The following GRIN2B variants were observed in gnomAD, a reference collection of about 807,000 sequenced individuals.
GRIN2B encodes the protein glutamate receptor ionotropic, NMDA 2B.
A neutral mutation model predicts 114.5 loss-of-function variants in GRIN2B; 5 were observed. That is an observed-to-expected ratio of 0.04 (90% CI 0.02 to 0.09). The LOEUF is 0.09. Among genes scored for constraint, GRIN2B ranks in the 10% least tolerant of loss-of-function variants. The probability of loss-of-function intolerance (pLI) is 1.00; values close to 1 mark genes in which losing one functional copy is unlikely to be tolerated. For synonymous variants in GRIN2B, 787 were observed against 745.1 expected (o/e 1.06, Z -0.92); for missense variants, 1,108 against 1,943.5 (o/e 0.57, Z 8.08).
At chr12:13,623,329 G>A (rs989877186) in intron 5 of GRIN2B, among the ~76,000 whole-genome samples, 2 of 152,162 alleles carry the variant, frequency 1.3e-5, no homozygotes, top group African/African-American at 4.8e-5. Context: ...GAAATGAAAA[G>A]GCGGAACAAA....
intron 9 of GRIN2B, chr12:13,610,107 AATC>A (rs1205394188): frequency 6.6e-6 from 1 of 152,222 alleles, no homozygotes; most frequent in Non-Finnish European, 1.5e-5. Context: ...CAGCCAAATA[AATC>A]ATCAGGGACA....
chr12:13,947,580 C>T (rs1867384259), intron 2 of GRIN2B, among the ~76,000 whole-genome samples: 1 of 152,190 alleles, frequency 6.6e-6, no homozygotes, highest in Admixed American at 6.5e-5. Context: ...CTATCCACAT[C>T]CTGCAACAGA....
intron 2 of GRIN2B, among the ~76,000 whole-genome samples, chr12:13,944,351 A>C (rs1407412490): frequency 2.0e-5 from 3 of 152,200 alleles, no homozygotes; most frequent in African/African-American, 7.2e-5. Context: ...AATGACTCCT[A>C]TGTGTTGCTA....
chr12:13,891,569 A>G (rs1866262707), intron 2 of GRIN2B, among the ~76,000 whole-genome samples: 1 of 152,186 alleles, frequency 6.6e-6, no homozygotes, highest in Admixed American at 6.5e-5. Context: ...TAATAAGTCT[A>G]AATTTAAATG....
At chr12:13,724,333 T>C (rs1862938321) in intron 4 of GRIN2B, among the ~76,000 whole-genome samples, 3 of 152,164 alleles carry the variant, frequency 2.0e-5, no homozygotes, top group African/African-American at 7.2e-5. Context: ...AATTACAGGT[T>C]TGCAGAAATC....
At chr12:13,580,313 G>A (rs554673873) in intron 10 of GRIN2B, among the ~76,000 whole-genome samples, 64 of 152,316 alleles carry the variant, frequency 4.2e-4, no homozygotes, top group Non-Finnish European at 5.3e-4. Context: ...CATTCAGTCT[G>A]TGTCCAATCA....
chr12:13,765,381 A>C (rs1863762165), intron 3 of GRIN2B, among the ~76,000 whole-genome samples: 1 of 152,230 alleles, frequency 6.6e-6, no homozygotes, highest in Non-Finnish European at 1.5e-5. Flanking sequence ...CGGTGAGTCC[A>C]GAAACCTGAC....
chr12:13,825,493 A>ATATATTTTTTT (rs1555144006), intron 3 of GRIN2B, among the ~76,000 whole-genome samples: 10 of 28,132 alleles, frequency 3.6e-4, no homozygotes, highest in African/African-American at 1.1e-3. Flanking sequence ...ATATATATAT[A>ATATATTTTTTT]TTTTGTGTGT....
At chr12:13,635,255 A>G (rs1457370648) in intron 5 of GRIN2B, among the ~76,000 whole-genome samples, 6 of 152,154 alleles carry the variant, frequency 3.9e-5, no homozygotes, top group Admixed American at 2.6e-4. Flanking sequence ...TCACACTGAG[A>G]AGGGGAGATG....
rs200696950 is a variant in GRIN2B at position 13,564,325 on chromosome 12, C to G, written c.2913G>C (p.Gly971=). 1 of 1,614,214 alleles carries G rather than the reference C, an allele frequency of 6.2e-7. No individual in the cohort carries two copies. Among genetic ancestry groups the G allele is most frequent in the Non-Finnish European group, 8.5e-7 (1 of 1,180,038 alleles). Reference sequence around the variant, plus strand: ...CGTTGCTGTCCTTCAGCTGCAGGTTCCCGAACGTTCTCTCTACCTCACTGA... The same window carrying G: ...CGTTGCTGTCCTTCAGCTGCAGGTTGCCGAACGTTCTCTCTACCTCACTGA... ...DYISEVERTF[G]NLQLKDSNVY... is the part of the protein sequence containing the mutation. Residue 971 remains glycine, a synonymous_variant, in exon 14 of 14, where the codon GGG becomes GGC. Transcript: ENST00000609686. This position sits in a 1 kb window ranked among gnomAD's most constrained non-coding sequence, Gnocchi z 4.8.
chr12:13,958,897 T>C (rs1363809717), intron 2 of GRIN2B, among the ~76,000 whole-genome samples: 2 of 152,008 alleles, frequency 1.3e-5, no homozygotes, highest in African/African-American at 4.8e-5. Flanking sequence ...TATAGAGACG[T>C]CATTTATTGA....
intron 2 of GRIN2B, among the ~76,000 whole-genome samples, chr12:13,973,247 C>A (rs1311039740): frequency 6.6e-6 from 1 of 152,050 alleles, no homozygotes; most frequent in East Asian, 1.9e-4. Context: ...TGGTTGAAGC[C>A]CTGAGTGGGT....
intron 2 of GRIN2B, among the ~76,000 whole-genome samples, chr12:13,918,575 C>T (rs953807134): frequency 6.6e-5 from 10 of 152,142 alleles, no homozygotes; most frequent in South Asian, 2.1e-4. Flanking sequence ...TTTCTGACCC[C>T]TTGCCTAATT....
At chr12:13,938,057 C>A (rs1193395526) in intron 2 of GRIN2B, among the ~76,000 whole-genome samples, 3 of 151,596 alleles carry the variant, frequency 2.0e-5, no homozygotes, top group Admixed American at 2.0e-4. Flanking sequence ...TAAAAAGATA[C>A]TAAGTAGAGG....
chr12:13,904,390 C>G (rs2136790900), intron 2 of GRIN2B, among the ~76,000 whole-genome samples: 1 of 152,190 alleles, frequency 6.6e-6, no homozygotes, highest in East Asian at 1.9e-4. Context: ...CATTACCCTT[C>G]TTTCAGAAAA....
At chr12:13,901,189 C>A (rs1335239809) in intron 2 of GRIN2B, among the ~76,000 whole-genome samples, 1 of 152,080 alleles carries the variant, frequency 6.6e-6, no homozygotes, top group Admixed American at 6.6e-5. Flanking sequence ...GAGTATATAT[C>A]GGCAATTTAT....
rs1197931082 is a variant in GRIN2B at position 13,551,171 on chromosome 12, T to G, written c.*11612A>C. The G allele has an allele frequency of 6.6e-6, 1 of 152,094 alleles. No individual in the cohort carries two copies. Among genetic ancestry groups the G allele is most frequent in the Non-Finnish European group, 1.5e-5 (1 of 68,002 alleles). 9.4% of individuals were successfully genotyped at this position (152,094 alleles called of 1,614,324 possible). On this transcript the variant is annotated 3_prime_UTR_variant, in exon 14 of 14. Coordinates refer to ENST00000609686, the MANE Select transcript of GRIN2B (RefSeq NM_000834.5). ...TAAATTATTGAATCCGTGAAGGCAT[T>G]TATCCCTATTCCTTGAGAATAGGGA... is the stretch of plus-strand genomic sequence containing the variant.
intron 3 of GRIN2B, among the ~76,000 whole-genome samples, chr12:13,848,225 A>G (rs1415801178): frequency 6.6e-6 from 1 of 152,192 alleles, no homozygotes; most frequent in Non-Finnish European, 1.5e-5. Context: ...TTCCACTATT[A>G]CAAACTTCTT....
chr12:13,885,891 A>C (rs1012294061), intron 2 of GRIN2B, among the ~76,000 whole-genome samples: 1 of 152,226 alleles, frequency 6.6e-6, no homozygotes, highest in Non-Finnish European at 1.5e-5. Context: ...CCTGCATCAG[A>C]AACACCTGAG....
Sources: allele counts gnomAD v4.1 joint callset (sites outside exome capture counted in the v4.1 genomes callset), GRCh38; gene constraint gnomAD v4.1.1; non-coding constraint Gnocchi (gnomAD v3.1); transcripts MANE v1.5; gene names NCBI Gene and HGNC (gene_info 2026-07-23, HGNC 2026-07-21).